The following LRRC74A variants were observed in gnomAD, a reference collection of about 807,000 sequenced individuals.
The protein encoded by LRRC74A is leucine-rich repeat-containing protein 74A.
A neutral mutation model predicts 57.9 loss-of-function variants in LRRC74A; 44 were observed. The ratio of observed to expected loss-of-function variants is 0.76; its 90% CI spans 0.60 to 0.98. The LOEUF is 0.98. LRRC74A is among the 50% of genes least tolerant of loss of function. LRRC74A has a pLI of 0.00. For synonymous variants in LRRC74A, 211 were observed against 219.4 expected (o/e 0.96, Z 0.34); for missense variants, 572 against 574.0 (o/e 1.00, Z 0.04).
In LRRC74A at chr14:76,831,309, C is replaced by A; in HGVS notation, c.273C>A (p.Ser91=). ...VSYFIRNMEE[S]YVNLNHHGLG... is the part of the protein sequence containing the mutation. ...ACTTCATTCGGAACATGGAGGAGTC[C>A]TACGTGAACCTCAACCACCACGGCC... is the stretch of plus-strand genomic sequence containing the variant. The change falls in exon 3 of 14, where the codon TCC becomes TCA. Residue 91 remains serine, a synonymous_variant. Coordinates refer to ENST00000689127, the MANE Select transcript of LRRC74A (RefSeq NM_001385106.1). 6.2e-7 allele frequency: 1 copy of A among 1,613,940 alleles called. No individual in the cohort carries two copies. Among genetic ancestry groups the A allele is most frequent in the Non-Finnish European group, 8.5e-7 (1 of 1,179,860 alleles).
intron 11 of LRRC74A, among the ~76,000 whole-genome samples, chr14:76,864,715 A>G (rs1369795556): frequency 6.6e-6 from 1 of 152,116 alleles, no homozygotes; most frequent in Non-Finnish European, 1.5e-5. Context: ...TAGGCTGTGC[A>G]TGATGGCGCA....
chr14:76,858,390 G>A (rs2140304095), intron 10 of LRRC74A, among the ~76,000 whole-genome samples: 1 of 152,212 alleles, frequency 6.6e-6, no homozygotes, highest in Non-Finnish European at 1.5e-5. Flanking sequence ...CCCTATCTCT[G>A]TATCCAAATG....
chr14:76,845,838 G>A (rs1455798791), intron 7 of LRRC74A, among the ~76,000 whole-genome samples: 1 of 152,220 alleles, frequency 6.6e-6, no homozygotes, highest in Non-Finnish European at 1.5e-5. Flanking sequence ...GGCCAACATG[G>A]TGAAACCCCA....
chr14:76,850,344 C>T (rs1005004496), intron 7 of LRRC74A, among the ~76,000 whole-genome samples: 6 of 152,022 alleles, frequency 3.9e-5, no homozygotes, highest in African/African-American at 1.2e-4. Flanking sequence ...TATAATCTAA[C>T]TTGTGTGGCC....
chr14:76,844,306 AC>A, intron 5 of LRRC74A, 116 bp from the exon 6 acceptor site: 1 of 957,634 alleles, frequency 1.0e-6, no homozygotes, highest in Non-Finnish European at 1.6e-6. Context: ...TCTGGCCCCT[AC>A]CACCTTTTTT....
chr14:76,840,153 A>G (rs1223698486), intron 5 of LRRC74A, among the ~76,000 whole-genome samples: 1 of 152,216 alleles, frequency 6.6e-6, no homozygotes, highest in Non-Finnish European at 1.5e-5. Flanking sequence ...AGTTTATAAA[A>G]ATATTTTCCT....
At chr14:76,829,278 T>C in intron 2 of LRRC74A, 1 of 979,326 alleles carries the variant, frequency 1.0e-6, no homozygotes, top group African/African-American at 1.7e-5. Flanking sequence ...GAAGGCCAGT[T>C]CTGCCAAATT....
Position 76,864,138 on chromosome 14 carries a change from T to C in LRRC74A, c.1201-1830T>C, listed in dbSNP as rs148853029. On this transcript the variant is annotated intron_variant, in intron 11 of 13. Transcript: ENST00000689127. ...TCTGCCATAGCGCTCAGCAGCAGTG[T>C]GCTGCTTCAGAGCACGAGGTGCACT... 4.3e-4 allele frequency among the ~76,000 whole-genome samples: 66 copies of C among 152,306 alleles called. No individual in the cohort carries two copies. The East Asian group carries it at 0.013, about 29-fold the overall frequency.
Position 76,844,471 on chromosome 14 carries a change from C to G in LRRC74A, c.593C>G (p.Ser198Trp). The change falls in exon 6 of 14, where the codon TCG becomes TGG. Residue 198 changes from serine (S) to tryptophan (W), a missense_variant and splice_region_variant. Ser to Trp is a radical substitution (Grantham distance 177, BLOSUM62 -3). Coordinates refer to ENST00000689127, the MANE Select transcript of LRRC74A (RefSeq NM_001385106.1). Reference sequence around the variant, plus strand: ...GCAGCACTGCTCTGCCAAGCCCTGTCGGTAAGAGGCAGGGAGTGCAGCCAA... The same window carrying G: ...GCAGCACTGCTCTGCCAAGCCCTGTGGGTAAGAGGCAGGGAGTGCAGCCAA... ...DSAALLCQALSTNYQIKKLDL... is the reference protein window; with the variant it reads ...DSAALLCQALWTNYQIKKLDL... The G allele has an allele frequency of 1.9e-6, 3 of 1,611,468 alleles. No homozygotes were observed. The highest frequency in any genetic ancestry group is 2.5e-6 in the Non-Finnish European group (3 of 1,178,952).
intron 2 of LRRC74A, chr14:76,829,196 C>G: frequency 7.8e-7 from 1 of 1,289,116 alleles, no homozygotes; most frequent in South Asian, 1.2e-5. Context: ...CAAGCCTAGC[C>G]CAGTCACCCT....
intron 5 of LRRC74A, among the ~76,000 whole-genome samples, chr14:76,842,790 G>A (rs1400366338): frequency 6.6e-6 from 1 of 152,128 alleles, no homozygotes; most frequent in Non-Finnish European, 1.5e-5. Flanking sequence ...TCTATGTCAT[G>A]TACTTCCCAG....
At chr14:76,835,850 T>A (rs1204105288) in intron 3 of LRRC74A, among the ~76,000 whole-genome samples, 1 of 152,256 alleles carries the variant, frequency 6.6e-6, no homozygotes, top group Non-Finnish European at 1.5e-5. Context: ...ATCTTTATGT[T>A]TAAATATCCT....
rs73307827 is a variant in LRRC74A, at chr14:76,866,821, G to T, written c.1309-535G>T. The stretch of plus-strand genomic sequence containing the variant: ...GTCTGGACAATGACCCATGGGCAGG[G>T]AGCTTTTTCCAGCCCCTCCATGCTG... On this transcript the variant is annotated intron_variant, in intron 12 of 13. Transcript: ENST00000689127. Among the ~76,000 whole-genome samples the T allele has an allele frequency of 9.4e-3, 1,425 of 151,374 alleles. 13 individuals are homozygous for T. The highest frequency in any genetic ancestry group is 0.033 in the African/African-American group (1,348 of 41,160).
chr14:76,856,752 A>T (rs564148545), intron 9 of LRRC74A, among the ~76,000 whole-genome samples: 14 of 147,504 alleles, frequency 9.5e-5, no homozygotes, highest in Admixed American at 4.7e-4. Flanking sequence ...AAGTGAGTGG[A>T]TGGATGGATG....
Position 76,844,475 on chromosome 14 carries a change from A to G in LRRC74A, c.594+3A>G, listed in dbSNP as rs1187167714. On this transcript the variant is annotated splice_donor_region_variant and intron_variant, in intron 6 of 13. Coordinates refer to ENST00000689127, the MANE Select transcript of LRRC74A (RefSeq NM_001385106.1). ...CACTGCTCTGCCAAGCCCTGTCGGT[A>G]AGAGGCAGGGAGTGCAGCCAAGCCA... 6.2e-7 allele frequency: 1 copy of G among 1,611,636 alleles called. No individual in the cohort carries two copies. Among genetic ancestry groups the G allele is most frequent in the African/African-American group, 1.3e-5 (1 of 75,002 alleles).
intron 11 of LRRC74A, among the ~76,000 whole-genome samples, chr14:76,862,439 A>G (rs1160353302): frequency 2.1e-4 from 1 of 4,810 alleles, no homozygotes; most frequent in African/African-American, 2.2e-4. Context: ...CTGAGGCACA[A>G]GAATCGCTCG....
rs781710174 is a variant in LRRC74A at position 76,837,940 on chromosome 14, CA to C, written c.514del (p.Ser172ValfsTer45). 2.7e-5 allele frequency: 43 copies of C among 1,583,842 alleles called. No homozygotes were observed. Among genetic ancestry groups the C allele is most frequent in the Non-Finnish European group, 3.5e-5 (41 of 1,163,418 alleles). On this transcript the variant is annotated frameshift_variant, in exon 5 of 14. Transcript: ENST00000689127. LOFTEE classifies it high-confidence loss of function. ...TCATCTCAGATTTCTTTGAGAGAAA[CA>C]GTTCTTCTATCTGGAGCCTTGAGCT... ...RIISDFFERN[S>X]SSIWSLELSG...
intron 7 of LRRC74A, among the ~76,000 whole-genome samples, chr14:76,848,140 G>T (rs578050694): frequency 2.8e-5 from 4 of 144,436 alleles, no homozygotes; most frequent in African/African-American, 1.0e-4. Flanking sequence ...GGGGTGGGGG[G>T]AGTGGGGAGG....
chr14:76,848,308 AAAATAAATAAATAAAT>A (rs138653406), intron 7 of LRRC74A, among the ~76,000 whole-genome samples: 52 of 146,168 alleles, frequency 3.6e-4, no homozygotes, highest in Middle Eastern at 3.5e-3. Context: ...ATTACTTTCA[AAAATAAATAAATAAAT>A]AAATAAATAA....
Sources: allele counts gnomAD v4.1 joint callset (sites outside exome capture counted in the v4.1 genomes callset), GRCh38; gene constraint gnomAD v4.1.1; transcripts MANE v1.5; gene names NCBI Gene and HGNC (gene_info 2026-07-23, HGNC 2026-07-21).